Variants in SLC35D1 observed in about 807,000 individuals in gnomAD.
SLC35D1 encodes solute carrier family 35 member D1, also known as nucleotide sugar transporter SLC35D1.
A neutral mutation model predicts 46.7 loss-of-function variants in SLC35D1; 31 were observed. That is an observed-to-expected ratio of 0.66 (90% CI 0.50 to 0.90). The LOEUF is 0.90. Ranked by LOEUF, SLC35D1 falls within the 40% of genes least tolerant of loss-of-function variation. The pLI, the probability that SLC35D1 is intolerant of heterozygous loss-of-function variation, is 0.00. For synonymous variants in SLC35D1, 195 were observed against 164.6 expected (o/e 1.18, Z -1.41); for missense variants, 397 against 426.2 (o/e 0.93, Z 0.60).
intron 11 of SLC35D1, among the ~76,000 whole-genome samples, chr1:67,005,875 C>A (rs1468562939): frequency 6.6e-6 from 1 of 152,158 alleles, no homozygotes; most frequent in Non-Finnish European, 1.5e-5. Flanking sequence ...GGCCTTAATT[C>A]TTTTAGCTGT....
chr1:66,988,328 C>T, the SLC35D1 span: 12 of 152,254 alleles, frequency 7.9e-5, no homozygotes, highest in Non-Finnish European at 1.5e-4. Context: ...TAAAAATTAA[C>T]TCTCTTCTTT....
the SLC35D1 span, chr1:66,988,487 A>ATTG: frequency 3.3e-5 from 5 of 151,964 alleles, no homozygotes; most frequent in African/African-American, 1.2e-4. Context: ...TACCCTTAGT[A>ATTG]TTGTGCTGAT....
chr1:67,004,342 A>T lies in SLC35D1; in HGVS notation c.1066T>A (p.Ter356ArgextTer7), dbSNP rs546864450. 6.2e-7 allele frequency: 1 copy of T among 1,613,846 alleles called. No individual in the cohort carries two copies. The highest frequency in any genetic ancestry group is 1.7e-5 in the Admixed American group (1 of 60,032). Residue 356 changes from the stop codon to arginine (R), a stop_lost, in exon 12 of 12, where the codon TGA becomes AGA. Coordinates refer to ENST00000235345, the MANE Select transcript of SLC35D1 (RefSeq NM_015139.3). ...KLDIKGKGAV* is the reference protein window; with the variant it reads ...KLDIKGKGAVR ...TATCAGATGAAGCAATCCTCTGGTC[A>T]CACTGCTCCTTTCCCCTTAATGTCC...
chr1:66,979,306 G>A, the SLC35D1 span, among the ~76,000 whole-genome samples: 1 of 152,172 alleles, frequency 6.6e-6, no homozygotes, highest in African/African-American at 2.4e-5. Context: ...TTAAGCTAAT[G>A]TGTTTAGAGA....
the SLC35D1 span, among the ~76,000 whole-genome samples, chr1:66,977,836 A>G: frequency 6.6e-6 from 1 of 152,136 alleles, no homozygotes; most frequent in African/African-American, 2.4e-5. Flanking sequence ...ATAAAAATAA[A>G]AAAAAATTGA....
the SLC35D1 span, among the ~76,000 whole-genome samples, chr1:66,980,725 A>G: frequency 2.0e-5 from 3 of 152,254 alleles, no homozygotes; most frequent in South Asian, 2.1e-4. Flanking sequence ...GCCTTGCACA[A>G]CTTAGGTACC....
intron 8 of SLC35D1, among the ~76,000 whole-genome samples, chr1:67,040,400 G>A (rs1378600677): frequency 1.3e-5 from 2 of 152,132 alleles, no homozygotes; most frequent in African/African-American, 4.8e-5. Flanking sequence ...GATATGGTGG[G>A]AATGGTAATA....
chr1:67,042,191 C>T, intron 8 of SLC35D1, 45 bp downstream of exon 8: 1 of 1,465,710 alleles, frequency 6.8e-7, no homozygotes. Context: ...AATAATAATG[C>T]AGTTCATCAA....
downstream of SLC35D1, among the ~76,000 whole-genome samples, chr1:66,998,826 G>A (rs776257042): frequency 5.3e-5 from 8 of 152,228 alleles, no homozygotes; most frequent in Non-Finnish European, 1.2e-4. Flanking sequence ...GGTTATCGAT[G>A]ACTGAGGTGA....
chr1:67,037,799 A>G (rs1361670526), intron 8 of SLC35D1, among the ~76,000 whole-genome samples: 1 of 152,208 alleles, frequency 6.6e-6, no homozygotes, highest in Non-Finnish European at 1.5e-5. Context: ...GGTAAAGAAA[A>G]AAGATTAATA....
At chr1:66,977,802 T>C in the SLC35D1 span, among the ~76,000 whole-genome samples, 1 of 151,812 alleles carries the variant, frequency 6.6e-6, no homozygotes. Flanking sequence ...GTTTACAGAA[T>C]AAAAAAATAA....
At chr1:66,995,780 AG>A (rs1667232832), downstream of SLC35D1, among the ~76,000 whole-genome samples, 1 of 152,184 alleles carries the variant, frequency 6.6e-6, no homozygotes, top group African/African-American at 2.4e-5. Flanking sequence ...TACCATTCCC[AG>A]GTGGAATGAA....
chr1:66,997,518 A>AT (rs35484434), downstream of SLC35D1, among the ~76,000 whole-genome samples: 20,293 of 73,294 alleles, frequency 0.28, 1,828 homozygotes, highest in Non-Finnish European at 0.32. Flanking sequence ...AAAAAAAAAA[A>AT]AATATATATA....
chr1:67,024,612 C>G (rs1667879248), intron 8 of SLC35D1, among the ~76,000 whole-genome samples: 3 of 152,160 alleles, frequency 2.0e-5, no homozygotes, highest in Admixed American at 2.0e-4. Context: ...TCTTGCCTCT[C>G]CCCTAGCTTC....
In SLC35D1 at chr1:67,021,561, CAGAAGAAAGA is replaced by C; in HGVS notation, c.761_770del (p.Leu254ArgfsTer8). On this transcript the variant is annotated frameshift_variant, in exon 9 of 12. Transcript: ENST00000235345. LOFTEE classifies it high-confidence loss of function. ...CCATCACACAGGAGAGGGTGAACTG[CAGAAGAAAGA>C]GGGTGTCAGCCCAGCCTTCAAACTC... 1 of 1,613,964 alleles carries C rather than the reference CAGAAGAAAGA, an allele frequency of 6.2e-7. No individual in the cohort carries two copies. Among genetic ancestry groups the C allele is most frequent in the Non-Finnish European group, 8.5e-7 (1 of 1,179,886 alleles).
intron 8 of SLC35D1, among the ~76,000 whole-genome samples, chr1:67,024,286 AAATGTT>A (rs1404097941): frequency 6.6e-6 from 1 of 152,118 alleles, no homozygotes; most frequent in African/African-American, 2.4e-5. Flanking sequence ...GAAGAGCAAA[AAATGTT>A]AATGTTGATG....
At chr1:66,989,032 C>T in the SLC35D1 span, among the ~76,000 whole-genome samples, 3 of 152,224 alleles carry the variant, frequency 2.0e-5, no homozygotes, top group African/African-American at 7.2e-5. Context: ...TTTTGTCAAA[C>T]TTCGTATTTG....
chr1:66,989,578 C>T, the SLC35D1 span, among the ~76,000 whole-genome samples: 2 of 152,202 alleles, frequency 1.3e-5, no homozygotes. Flanking sequence ...ATCCTCCCAC[C>T]TCAGCCTCCT....
chr1:66,977,528 TC>T, the SLC35D1 span, among the ~76,000 whole-genome samples: 1 of 152,220 alleles, frequency 6.6e-6, no homozygotes, highest in Non-Finnish European at 1.5e-5. Context: ...TCTAGTGTAG[TC>T]CCATTGACAC....
Sources: gnomAD v4.1 joint callset for allele counts (sites outside exome capture counted in the v4.1 genomes callset) on GRCh38, gnomAD v4.1.1 for gene constraint, MANE v1.5 for transcripts, NCBI Gene and HGNC (gene_info 2026-07-23, HGNC 2026-07-21) for gene names.